The following ROBO2 variants were observed in gnomAD, a reference collection of about 807,000 sequenced individuals.
ROBO2 encodes the protein roundabout guidance receptor 2, also known as roundabout homolog 2.
A neutral mutation model predicts 160.8 loss-of-function variants in ROBO2; 53 were observed. The ratio of observed to expected loss-of-function variants is 0.33; its 90% CI spans 0.26 to 0.41. The LOEUF (loss-of-function observed/expected upper bound fraction) is 0.41. Among genes scored for constraint, ROBO2 ranks in the 10% least tolerant of loss-of-function variants. ROBO2 has a pLI of 1.00. For missense variants in ROBO2, 1,577 were observed against 1,722.4 expected, an observed-to-expected ratio of 0.92 and a Z score of 1.49; for synonymous variants, 664 against 611.7, an observed-to-expected ratio of 1.09 and a Z score of -1.26.
chr3:77,165,111 G>A (rs891915942), intron 2 of ROBO2, among the ~76,000 whole-genome samples: 6 of 152,028 alleles, frequency 3.9e-5, no homozygotes, highest in African/African-American at 1.2e-4. Flanking sequence ...CGGTTTTGTG[G>A]AATGGAAAGG....
intron 2 of ROBO2, among the ~76,000 whole-genome samples, chr3:76,138,734 A>G (rs1379604803): frequency 2.6e-5 from 4 of 152,130 alleles, no homozygotes; most frequent in Admixed American, 6.6e-5. Flanking sequence ...GAAATCATGT[A>G]AGAACTTTGA....
chr3:77,522,970 A>G (rs1409150953), intron 6 of ROBO2, 68 bp downstream of exon 6: 1 of 1,566,440 alleles, frequency 6.4e-7, no homozygotes, highest in Non-Finnish European at 8.8e-7. Context: ...TGGTAAGTGA[A>G]CTTACGATCA....
chr3:77,546,436 G>A, exon 7 of ROBO2: 4 of 1,613,238 alleles, frequency 2.5e-6, no homozygotes, highest in Non-Finnish European at 3.4e-6. Context: ...ACAGCCAGCT[G>A]TTTTTTGGCA....
intron 2 of ROBO2, among the ~76,000 whole-genome samples, chr3:75,987,403 C>A (rs2107487948): frequency 6.6e-6 from 1 of 151,882 alleles, no homozygotes. Flanking sequence ...TATCCTACTG[C>A]TTTCCTAACT....
intron 2 of ROBO2, among the ~76,000 whole-genome samples, chr3:76,383,078 T>G (rs1189049364): frequency 6.6e-6 from 1 of 152,150 alleles, no homozygotes; most frequent in African/African-American, 2.4e-5. Context: ...ATTGAACAAT[T>G]TTTTGAAAGA....
In ROBO2 at chr3:77,579,932, T is replaced by C; in HGVS notation, c.2329-15T>C. 1.9e-6 allele frequency: 3 copies of C among 1,610,922 alleles called. No homozygotes were observed. Among genetic ancestry groups the C allele is most frequent in the Non-Finnish European group, 2.5e-6 (3 of 1,177,136 alleles). ...AATCTTATATCCATGTGTTATTCAC[T>C]TTCCATTTCTGTAGATCTGGTGTCT... On this transcript the variant is annotated splice_polypyrimidine_tract_variant and intron_variant, in intron 15 of 25. Coordinates refer to ENST00000461745, the Ensembl canonical transcript of ROBO2.
In ROBO2 at chr3:77,418,259, GT is replaced by G. The variant is rs2077424717; in HGVS notation, c.389-59151del. Among the ~76,000 whole-genome samples the G allele has an allele frequency of 5.3e-5, 8 of 152,152 alleles. No homozygotes were observed. The South Asian group carries it at 1.7e-3, about 31-fold the overall frequency. ...GGATAGGTACTTTGCTTGAGCAAAA[GT>G]TTTCTTAGTATTTCTAAATTAGCTT... On this transcript the variant is annotated intron_variant, in intron 2 of 25. Transcript: ENST00000461745.
chr3:76,615,802 G>A (rs2088534465), intron 2 of ROBO2, among the ~76,000 whole-genome samples: 1 of 152,172 alleles, frequency 6.6e-6, no homozygotes, highest in East Asian at 1.9e-4. Flanking sequence ...TTTACAGTGT[G>A]CAAACAGGTT....
chr3:77,455,640 C>T (rs1337987266), intron 2 of ROBO2, among the ~76,000 whole-genome samples: 2 of 152,066 alleles, frequency 1.3e-5, no homozygotes, highest in African/African-American at 2.4e-5. Flanking sequence ...CCATGTTGGC[C>T]AGGATGGTCT....
At chr3:76,256,306 TC>T in intron 2 of ROBO2, among the ~76,000 whole-genome samples, 1 of 25,884 alleles carries the variant, frequency 3.9e-5, no homozygotes, top group East Asian at 1.9e-3. Flanking sequence ...TGAGTCTCTC[TC>T]TCTCTCTCTC....
intron 2 of ROBO2, among the ~76,000 whole-genome samples, chr3:76,239,909 A>G (rs1705186377): frequency 6.6e-6 from 1 of 152,112 alleles, no homozygotes; most frequent in Non-Finnish European, 1.5e-5. Context: ...ATTGTCAGAG[A>G]AACCATGTTG....
chr3:77,441,966 C>A (rs904904490), intron 2 of ROBO2, among the ~76,000 whole-genome samples: 1 of 151,702 alleles, frequency 6.6e-6, no homozygotes, highest in Admixed American at 6.6e-5. Context: ...TTAGGTTTAC[C>A]CACAACACAT....
At chr3:76,245,177 C>T (rs1424835948) in intron 2 of ROBO2, among the ~76,000 whole-genome samples, 2 of 152,170 alleles carry the variant, frequency 1.3e-5, no homozygotes, top group Non-Finnish European at 2.9e-5. Flanking sequence ...AGACCTTACA[C>T]AATTTCTTTC....
chr3:76,261,817 A>G (rs1356483551), intron 2 of ROBO2, among the ~76,000 whole-genome samples: 1 of 152,072 alleles, frequency 6.6e-6, no homozygotes, highest in Non-Finnish European at 1.5e-5. Flanking sequence ...CTGGTATACT[A>G]TTTATATTTC....
chr3:76,969,634 A>G (rs967455364), intron 2 of ROBO2, among the ~76,000 whole-genome samples: 1 of 152,136 alleles, frequency 6.6e-6, no homozygotes, highest in African/African-American at 2.4e-5. Context: ...TTCTCTCTTG[A>G]TTTCTACCCC....
chr3:76,192,107 C>T (rs1291971136), intron 2 of ROBO2, among the ~76,000 whole-genome samples: 2 of 151,876 alleles, frequency 1.3e-5, no homozygotes, highest in African/African-American at 2.4e-5. Context: ...GTTACCTGAC[C>T]TTCGATTGGC....
chr3:76,754,611 A>G (rs984778986), intron 2 of ROBO2, among the ~76,000 whole-genome samples: 2 of 151,970 alleles, frequency 1.3e-5, no homozygotes, highest in South Asian at 2.1e-4. Context: ...TTTCCAATTA[A>G]GAAACATACT....
At chr3:76,043,355 C>T (rs909328302) in intron 2 of ROBO2, among the ~76,000 whole-genome samples, 13 of 151,704 alleles carry the variant, frequency 8.6e-5, no homozygotes, top group Admixed American at 2.6e-4. Flanking sequence ...TCACTTTTTG[C>T]TGCTTTGTTC....
chr3:77,448,915 T>G (rs1403162768), intron 2 of ROBO2, among the ~76,000 whole-genome samples: 1 of 152,146 alleles, frequency 6.6e-6, no homozygotes, highest in African/African-American at 2.4e-5. Flanking sequence ...GTGAATAAAT[T>G]TATTATCTAT....
Sources: gnomAD v4.1 joint callset for allele counts (sites outside exome capture counted in the v4.1 genomes callset) on GRCh38, gnomAD v4.1.1 for gene constraint, MANE v1.5 for transcripts, NCBI Gene and HGNC (gene_info 2026-07-23, HGNC 2026-07-21) for gene names.